Variants in NRCAM observed in about 807,000 individuals in gnomAD.
NRCAM encodes the protein NgCAM-related cell adhesion molecule.
A neutral mutation model predicts 156.5 loss-of-function variants in NRCAM; 83 were observed. The observed-to-expected ratio is 0.53, with a 90% CI of 0.44 to 0.64. The LOEUF (loss-of-function observed/expected upper bound fraction) is 0.64, where lower values mean the gene tolerates loss of function less well. NRCAM is among the 30% of genes least tolerant of loss of function. The pLI, the probability that NRCAM is intolerant of heterozygous loss-of-function variation, is 0.00. For missense variants in NRCAM, 1,417 were observed against 1,597.3 expected, an observed-to-expected ratio of 0.89 and a Z score of 1.92; for synonymous variants, 538 against 563.9, an observed-to-expected ratio of 0.95 and a Z score of 0.65.
At chr7:108,391,161 T>G (rs1401162384) in intron 2 of NRCAM, among the ~76,000 whole-genome samples, 2 of 152,192 alleles carry the variant, frequency 1.3e-5, no homozygotes, top group African/African-American at 4.8e-5. Context: ...CTGTCTAATG[T>G]TGACAGTGGG....
At chr7:108,197,862 A>G in intron 14 of NRCAM, 94 bp downstream of exon 14, 1 of 934,186 alleles carries the variant, frequency 1.1e-6, no homozygotes, top group Non-Finnish European at 1.5e-6. Flanking sequence ...TGCATTGCAC[A>G]TAGTAGATGC....
chr7:108,440,027 C>T (rs1320551176), intron 1 of NRCAM, among the ~76,000 whole-genome samples: 1 of 151,878 alleles, frequency 6.6e-6, no homozygotes, highest in Non-Finnish European at 1.5e-5. Context: ...CTATCAAAGA[C>T]AAATGAAAAC....
intron 13 of NRCAM, among the ~76,000 whole-genome samples, chr7:108,201,047 G>A (rs542350431): frequency 1.3e-5 from 2 of 152,082 alleles, no homozygotes; most frequent in East Asian, 1.9e-4. Flanking sequence ...TACACTGCTC[G>A]GGTGGCCGGT....
intron 11 of NRCAM, among the ~76,000 whole-genome samples, chr7:108,212,279 T>C (rs1475360058): frequency 1.3e-5 from 2 of 152,104 alleles, no homozygotes; most frequent in African/African-American, 4.8e-5. Context: ...TCTGACAGAA[T>C]CTACCCAAAT....
chr7:108,426,273 C>T (rs1264768261), intron 1 of NRCAM, among the ~76,000 whole-genome samples: 2 of 152,200 alleles, frequency 1.3e-5, no homozygotes, highest in East Asian at 3.8e-4. Context: ...CACCCCTCTC[C>T]CCTAAAACTC....
At chr7:108,301,483 C>T (rs920593009) in intron 3 of NRCAM, among the ~76,000 whole-genome samples, 3 of 152,112 alleles carry the variant, frequency 2.0e-5, no homozygotes, top group African/African-American at 7.2e-5. Flanking sequence ...AAGGCGTGAC[C>T]GGTATGAGCT....
chr7:108,436,031 G>A (rs1831714095), intron 1 of NRCAM, among the ~76,000 whole-genome samples: 1 of 152,270 alleles, frequency 6.6e-6, no homozygotes, highest in Non-Finnish European at 1.5e-5. Flanking sequence ...CTACTCGGGA[G>A]GCTGAGGCAG....
chr7:108,222,924 G>C (rs1221033426), intron 11 of NRCAM, among the ~76,000 whole-genome samples: 1 of 152,194 alleles, frequency 6.6e-6, no homozygotes, highest in Non-Finnish European at 1.5e-5. Context: ...ATTTGGGCAA[G>C]GCCTCCCTGC....
intron 32 of NRCAM, 34 bp downstream of exon 32, chr7:108,159,428 CA>C (rs2047500123): frequency 6.5e-7 from 1 of 1,550,020 alleles, no homozygotes; most frequent in Non-Finnish European, 8.9e-7. Flanking sequence ...TTCATGTGGG[CA>C]GAGAAGATGA....
intron 1 of NRCAM, among the ~76,000 whole-genome samples, chr7:108,450,182 G>A (rs1442409979): frequency 8.6e-5 from 13 of 151,332 alleles, no homozygotes; most frequent in Non-Finnish European, 1.6e-4. Flanking sequence ...TCCTGTGTTC[G>A]AACTGAATAT....
Position 108,182,850 on chromosome 7 carries a change from T to A in NRCAM, c.2375A>T (p.Asp792Val). ...CACAACCACAGATGTCCATTCATCA[T>A]CACCATCTTTCTGGCGCCAGCTAAC... The part of the protein sequence containing the change: ...YKVSWRQKDG[D>V]DEWTSVVVAN... Residue 792 changes from aspartate to valine, a missense_variant, in exon 23 of 33, where the codon GAT becomes GTT. This residue lies in a region of NRCAM where 1,238 missense variants were observed against 1,336.4 expected (regional missense o/e 0.93). Coordinates refer to ENST00000379028, the MANE Select transcript of NRCAM (RefSeq NM_001037132.4). The A allele has an allele frequency of 6.2e-7, 1 of 1,614,232 alleles. No homozygotes were observed. The highest frequency in any genetic ancestry group is 8.5e-7 in the Non-Finnish European group (1 of 1,180,042).
Position 108,377,322 on chromosome 7 carries a change from C to A in NRCAM, c.-174+22114G>T, listed in dbSNP as rs1037513759. On this transcript the variant is annotated intron_variant, in intron 2 of 32. Coordinates refer to ENST00000379028, the MANE Select transcript of NRCAM (RefSeq NM_001037132.4). ...CCCAGACAACTGTAGCACTTTCACACTTGGGAACCTGGTTTGCAGTCTCAT... is the reference window on the plus strand; with the variant it reads ...CCCAGACAACTGTAGCACTTTCACAATTGGGAACCTGGTTTGCAGTCTCAT... 2.6e-5 allele frequency among the ~76,000 whole-genome samples: 4 copies of A among 152,154 alleles called. No individual in the cohort carries two copies. The East Asian group carries it at 7.7e-4, about 29-fold the overall frequency.
chr7:108,433,071 C>T (rs1232873577), intron 1 of NRCAM, among the ~76,000 whole-genome samples: 1 of 152,122 alleles, frequency 6.6e-6, no homozygotes, highest in Non-Finnish European at 1.5e-5. Context: ...ATAAGCAGGC[C>T]TAATCATACT....
chr7:108,300,417 A>C (rs2098578670), intron 3 of NRCAM, among the ~76,000 whole-genome samples: 2 of 152,136 alleles, frequency 1.3e-5, no homozygotes. Context: ...TTTTTATAAT[A>C]AACATCTATT....
chr7:108,278,404 G>A (rs1405987218), intron 3 of NRCAM, among the ~76,000 whole-genome samples: 1 of 152,196 alleles, frequency 6.6e-6, no homozygotes, highest in African/African-American at 2.4e-5. Flanking sequence ...CCCAGTTTGA[G>A]CTTCCCTGCC....
intron 2 of NRCAM, among the ~76,000 whole-genome samples, chr7:108,397,778 T>TA (rs1442312169): frequency 3.9e-5 from 6 of 152,234 alleles, no homozygotes; most frequent in Non-Finnish European, 8.8e-5. Context: ...ACTGGCTTGT[T>TA]ACTGTCCTTA....
intron 2 of NRCAM, among the ~76,000 whole-genome samples, chr7:108,332,463 C>T (rs966268011): frequency 6.6e-6 from 1 of 152,176 alleles, no homozygotes; most frequent in African/African-American, 2.4e-5. Flanking sequence ...TCTCGGCTCA[C>T]TGCTTCTCTT....
At chr7:108,404,923 A>C (rs2099803090) in intron 1 of NRCAM, among the ~76,000 whole-genome samples, 1 of 152,196 alleles carries the variant, frequency 6.6e-6, no homozygotes, top group East Asian at 1.9e-4. Flanking sequence ...CTTCTCTTGG[A>C]AATCTTGTGA....
At chr7:108,448,660 C>T (rs1847095335) in intron 1 of NRCAM, among the ~76,000 whole-genome samples, 1 of 152,136 alleles carries the variant, frequency 6.6e-6, no homozygotes, top group Admixed American at 6.5e-5. Context: ...GTGATGCACA[C>T]ACTAGAAAAC....
Sources: gnomAD v4.1 joint callset for allele counts (sites outside exome capture counted in the v4.1 genomes callset) on GRCh38, gnomAD v4.1.1 for gene constraint, gnomAD v4.1.1 regional missense constraint, MANE v1.5 for transcripts, NCBI Gene and HGNC (gene_info 2026-07-23, HGNC 2026-07-21) for gene names.